The following TMEM181 variants were observed in gnomAD, a reference collection of about 807,000 sequenced individuals.
TMEM181 encodes G protein-coupled receptor 178.
In TMEM181, 39 loss-of-function variants were observed where a neutral mutation model predicts 71.9. That is an observed-to-expected ratio of 0.54 (90% CI 0.42 to 0.71). The LOEUF (loss-of-function observed/expected upper bound fraction) is 0.71, where lower values mean the gene tolerates loss of function less well. Ranked by LOEUF, TMEM181 falls within the 30% of genes least tolerant of loss-of-function variation. The pLI is 0.00. For missense variants in TMEM181, 595 were observed against 583.0 expected, an observed-to-expected ratio of 1.02 and a Z score of -0.21; for synonymous variants, 245 against 228.8, an observed-to-expected ratio of 1.07 and a Z score of -0.64.
At chr6:158,631,701 A>T in intron 16 of TMEM181, 109 bp from the exon 17 acceptor site, 1 of 1,286,462 alleles carries the variant, frequency 7.8e-7, no homozygotes, top group Non-Finnish European at 1.1e-6. Context: ...TAGAAAATTG[A>T]AAGAGCGAAG....
At chr6:158,569,391 G>C (rs1378839427) in intron 1 of TMEM181, among the ~76,000 whole-genome samples, 1 of 152,204 alleles carries the variant, frequency 6.6e-6, no homozygotes, top group African/African-American at 2.4e-5. Context: ...GTTATACCCA[G>C]CTTACACTTG....
chr6:158,563,896 C>T (rs562598137), intron 1 of TMEM181, among the ~76,000 whole-genome samples: 97 of 152,352 alleles, frequency 6.4e-4, no homozygotes, highest in African/African-American at 2.3e-3. Context: ...ATTCTCCTGC[C>T]TCAGCCTCCC....
intron 2 of TMEM181, among the ~76,000 whole-genome samples, chr6:158,579,803 GTAAAA>G (rs1215449948): frequency 2.6e-5 from 4 of 152,130 alleles, no homozygotes; most frequent in Non-Finnish European, 4.4e-5. Flanking sequence ...ATTATACTAA[GTAAAA>G]TAAGCCATTG....
intron 1 of TMEM181, among the ~76,000 whole-genome samples, chr6:158,571,432 G>T (rs1782830577): frequency 7.7e-6 from 1 of 130,590 alleles, no homozygotes; most frequent in African/African-American, 2.9e-5. Flanking sequence ...AAAGTGCTGA[G>T]ATTACAGGCC....
intron 3 of TMEM181, among the ~76,000 whole-genome samples, chr6:158,582,507 A>G (rs569100600): frequency 1.3e-5 from 2 of 152,142 alleles, no homozygotes; most frequent in East Asian, 3.9e-4. Context: ...TCTACAACAA[A>G]TTTAAAAATA....
intron 6 of TMEM181, among the ~76,000 whole-genome samples, chr6:158,602,534 C>T (rs1030382830): frequency 3.9e-5 from 6 of 152,036 alleles, no homozygotes; most frequent in African/African-American, 9.7e-5. Flanking sequence ...ATGCTCGGTA[C>T]GGTCAGTCTT....
At chr6:158,565,113 C>T (rs1328011945) in intron 1 of TMEM181, among the ~76,000 whole-genome samples, 17 of 152,230 alleles carry the variant, frequency 1.1e-4, no homozygotes, top group Admixed American at 1.1e-3. Flanking sequence ...GCTGGCTTCC[C>T]TCACATCTCT....
At chr6:158,584,787 T>A (rs917583217) in intron 4 of TMEM181, among the ~76,000 whole-genome samples, 1 of 152,196 alleles carries the variant, frequency 6.6e-6, no homozygotes, top group Non-Finnish European at 1.5e-5. Context: ...AAAAAATTCA[T>A]ATTACTACGT....
chr6:158,629,677 G>A, intron 14 of TMEM181, 53 bp from the exon 15 acceptor site: 1 of 1,451,698 alleles, frequency 6.9e-7, no homozygotes, highest in East Asian at 2.4e-5. Context: ...GCTGTAGGCA[G>A]AGCCTCTGAC....
chr6:158,590,606 A>C (rs962365061), intron 6 of TMEM181, among the ~76,000 whole-genome samples: 12 of 152,060 alleles, frequency 7.9e-5, no homozygotes, highest in African/African-American at 2.4e-5. Flanking sequence ...TGGGATTACA[A>C]GTGTGTGCCA....
chr6:158,589,860 C>G, intron 6 of TMEM181, 78 bp downstream of exon 6: 1 of 1,033,496 alleles, frequency 9.7e-7, no homozygotes, highest in Non-Finnish European at 1.5e-6. Flanking sequence ...TGAAATACAT[C>G]TCAGCATCTA....
chr6:158,588,187 C>T (rs964365027), intron 5 of TMEM181, among the ~76,000 whole-genome samples: 11 of 152,218 alleles, frequency 7.2e-5, no homozygotes, highest in Non-Finnish European at 8.8e-5. Context: ...GGGAGGTGGG[C>T]GGGTGGCCAG....
At position 158,587,012 on chromosome 6, in the gene TMEM181, G is replaced by A. The variant is rs187146229; in HGVS notation, c.381+1587G>A. 9.1e-4 allele frequency among the ~76,000 whole-genome samples: 138 copies of A among 152,224 alleles called. 2 individuals carry two copies. Among genetic ancestry groups the A allele is most frequent in the African/African-American group, 3.0e-3 (126 of 41,518 alleles). On this transcript the variant is annotated intron_variant, in intron 5 of 16. Transcript: ENST00000684151. ...CCAAGAATCTGCTCTCTTCCTATCC[G>A]AGCGCCTGGTGGCCACTCCCACCTG...
At chr6:158,584,564 T>A (rs1783660795) in intron 4 of TMEM181, among the ~76,000 whole-genome samples, 1 of 152,232 alleles carries the variant, frequency 6.6e-6, no homozygotes, top group Admixed American at 6.5e-5. Flanking sequence ...TTGTTTATGA[T>A]GAATTAGCTT....
rs561001566 is a variant in TMEM181 at position 158,608,835 on chromosome 6, C to T, written c.896+85C>T. 134 of 1,278,882 alleles carry T rather than the reference C, an allele frequency of 1.0e-4. 2 individuals are homozygous for T. The South Asian group carries it at 1.1e-3, about 10-fold the overall frequency. The allele number at this position is 1,278,882 out of a possible 1,614,324, so 79.2% of individuals were successfully genotyped here. On this transcript the variant is annotated intron_variant, in intron 10 of 16. Transcript: ENST00000684151. ...AGGCCAGGCCAGGCGTAGTGGCTCA[C>T]GCCTGTAATCCCAGCACTTTGACAG...
rs190594521 is a variant in TMEM181 at position 158,572,574 on chromosome 6, A to G, written c.9-846A>G. 30 of 434,714 alleles carry G rather than the reference A, an allele frequency of 6.9e-5. No individual in the cohort carries two copies. In the East Asian group the frequency reaches 2.1e-3, roughly 30 times the overall value. 26.9% of individuals were successfully genotyped at this position (434,714 alleles called of 1,614,324 possible). On this transcript the variant is annotated intron_variant, in intron 1 of 16. Transcript: ENST00000684151. Reference sequence around the variant, plus strand: ...TGCTCGTGCGTCCTGTGCTGCTCAGAGAAGTAGAGCTGTGCCTTGCGACAG... The same window carrying G: ...TGCTCGTGCGTCCTGTGCTGCTCAGGGAAGTAGAGCTGTGCCTTGCGACAG...
intron 10 of TMEM181, among the ~76,000 whole-genome samples, chr6:158,623,296 G>A (rs1786079101): frequency 6.6e-6 from 1 of 152,180 alleles, no homozygotes; most frequent in Non-Finnish European, 1.5e-5. Flanking sequence ...ATAGGGTTTT[G>A]TGTAATAAAA....
intron 1 of TMEM181, among the ~76,000 whole-genome samples, chr6:158,541,764 G>A (rs1037222906): frequency 2.6e-5 from 4 of 152,194 alleles, no homozygotes; most frequent in African/African-American, 9.6e-5. Context: ...GCATATCAGA[G>A]GGCCTCATCT....
At position 158,633,855 on chromosome 6, in the gene TMEM181, TTC is replaced by T. The variant is rs1285626938; in HGVS notation, c.*1969_*1970del. 6.6e-6 allele frequency: 1 copy of T among 152,242 alleles called. No homozygotes were observed. The highest frequency in any genetic ancestry group is 1.5e-5 in the Non-Finnish European group (1 of 68,040). 9.4% of individuals were successfully genotyped at this position (152,242 alleles called of 1,614,324 possible). On this transcript the variant is annotated 3_prime_UTR_variant, in exon 17 of 17. Transcript: ENST00000684151. ...ATTTTCTGTTACCAAATTTTACAAC[TTC>T]TAATAAGACTACTATAACTTTATGT...
Sources: gnomAD v4.1 joint callset for allele counts (sites outside exome capture counted in the v4.1 genomes callset) on GRCh38, gnomAD v4.1.1 for gene constraint, MANE v1.5 for transcripts, NCBI Gene and HGNC (gene_info 2026-07-23, HGNC 2026-07-21) for gene names.